The following TEX36 variants were observed in gnomAD, a reference collection of about 807,000 sequenced individuals.
TEX36 encodes the protein testis-expressed protein 36.
TEX36 carries 12 observed loss-of-function variants against 13.6 expected under a neutral mutation model. The ratio of observed to expected loss-of-function variants is 0.88; its 90% CI spans 0.56 to 1.43. TEX36 has a LOEUF of 1.43. Ranked by LOEUF, TEX36 falls within the 40% of genes most tolerant of loss-of-function variation. The pLI is 0.00. For synonymous variants in TEX36, 93 were observed against 83.0 expected (o/e 1.12, Z -0.65); for missense variants, 224 against 228.3 (o/e 0.98, Z 0.12).
At chr10:125,664,405 G>T (rs1163051365) in intron 1 of TEX36, among the ~76,000 whole-genome samples, 3 of 152,106 alleles carry the variant, frequency 2.0e-5, no homozygotes, top group Non-Finnish European at 4.4e-5. Flanking sequence ...AATTTTTTGA[G>T]GAACCTCTAT....
intron 3 of TEX36, among the ~76,000 whole-genome samples, chr10:125,592,869 A>C (rs1299427265): frequency 6.6e-6 from 1 of 152,178 alleles, no homozygotes; most frequent in Non-Finnish European, 1.5e-5. Flanking sequence ...ATAGAGAACA[A>C]CAGCTAGATG....
At chr10:125,631,753 A>G (rs567631918) in intron 3 of TEX36, among the ~76,000 whole-genome samples, 1 of 152,268 alleles carries the variant, frequency 6.6e-6, no homozygotes, top group South Asian at 2.1e-4. Flanking sequence ...AACGCGTGCT[A>G]TATGTGTGGG....
At chr10:125,584,010 G>A (rs995364271) in intron 3 of TEX36, among the ~76,000 whole-genome samples, 1 of 152,186 alleles carries the variant, frequency 6.6e-6, no homozygotes, top group Admixed American at 6.5e-5. Context: ...CACTGTGGGA[G>A]CTTAGAGCAG....
rs1242846589 is a variant in TEX36 at position 125,656,198 on chromosome 10, T to C, written c.265-2A>G. ...AGAGATCTTCTTACGTCCCAGGCCC[T>C]GGAGAGAAGAATTACAAGATTCGAA... On this transcript the variant is annotated splice_acceptor_variant, in intron 3 of 3. Coordinates refer to ENST00000368821, the MANE Select transcript of TEX36 (RefSeq NM_001128202.3). LOFTEE classifies it high-confidence loss of function. 7 of 1,436,784 alleles carry C rather than the reference T, an allele frequency of 4.9e-6. No homozygotes were observed. In the East Asian group the frequency reaches 7.9e-5, roughly 16 times the overall value. The allele number at this position is 1,436,784 out of a possible 1,614,324, so 89.0% of individuals were successfully genotyped here.
chr10:125,655,463 A>G (rs1437386606), downstream of TEX36, among the ~76,000 whole-genome samples: 2 of 152,188 alleles, frequency 1.3e-5, no homozygotes, highest in Non-Finnish European at 2.9e-5. Context: ...AAAAAGTTGT[A>G]GAATATTTTG....
chr10:125,638,004 C>T (rs946560518), intron 3 of TEX36, among the ~76,000 whole-genome samples: 7 of 152,088 alleles, frequency 4.6e-5, no homozygotes, highest in Admixed American at 4.6e-4. Context: ...ACAGGCTGCT[C>T]ATCTTCCTAT....
chr10:125,594,701 A>G lies in TEX36; in HGVS notation c.265-17827T>C, dbSNP rs146113225. 4.6e-3 allele frequency among the ~76,000 whole-genome samples: 706 copies of G among 152,354 alleles called. 9 individuals are homozygous for G. The highest frequency in any genetic ancestry group is 0.016 in the African/African-American group (650 of 41,586). On this transcript the variant is annotated intron_variant, in intron 3 of 3. Transcript: ENST00000532135. The stretch of plus-strand genomic sequence containing the variant: ...GACAAAGTTCAAAATATCAAAATCT[A>G]TGTTTTTGCTAAACTATTACTTAGA...
At chr10:125,682,416 G>A (rs565504891) in intron 1 of TEX36, among the ~76,000 whole-genome samples, 14 of 152,182 alleles carry the variant, frequency 9.2e-5, no homozygotes, top group African/African-American at 1.4e-4. Flanking sequence ...TTCATAGGCC[G>A]GAGGGGCTAA....
intron 3 of TEX36, among the ~76,000 whole-genome samples, chr10:125,582,586 T>C (rs1003216491): frequency 6.6e-6 from 1 of 152,208 alleles, no homozygotes; most frequent in Non-Finnish European, 1.5e-5. Context: ...ACTTGACTGC[T>C]TACTTAGCTG....
chr10:125,634,780 T>G (rs566300326), intron 3 of TEX36, among the ~76,000 whole-genome samples: 1 of 152,262 alleles, frequency 6.6e-6, no homozygotes, highest in South Asian at 2.1e-4. Context: ...CATCCACCAG[T>G]TCATTAATGC....
At chr10:125,611,676 T>C (rs1846291627) in intron 3 of TEX36, among the ~76,000 whole-genome samples, 1 of 152,182 alleles carries the variant, frequency 6.6e-6, no homozygotes. Context: ...CTTTTACTTT[T>C]GCATATGGTG....
chr10:125,649,537 C>A (rs187295411), intron 3 of TEX36, among the ~76,000 whole-genome samples: 1 of 152,208 alleles, frequency 6.6e-6, no homozygotes, highest in Non-Finnish European at 1.5e-5. Flanking sequence ...GCACCAGCCA[C>A]TGCAAAAACA....
intron 3 of TEX36, among the ~76,000 whole-genome samples, chr10:125,590,443 TG>T (rs1303403228): frequency 6.6e-6 from 1 of 151,786 alleles, no homozygotes; most frequent in Non-Finnish European, 1.5e-5. Flanking sequence ...TAAAAAAAGG[TG>T]GGGGGCAGCT....
At chr10:125,636,053 A>G (rs1565180082) in intron 3 of TEX36, among the ~76,000 whole-genome samples, 3 of 151,264 alleles carry the variant, frequency 2.0e-5, no homozygotes, top group Non-Finnish European at 4.4e-5. Flanking sequence ...TTTAAAATGT[A>G]TTGTAGAGAT....
intron 3 of TEX36, among the ~76,000 whole-genome samples, chr10:125,630,011 CAT>C (rs1846533054): frequency 6.6e-6 from 1 of 152,176 alleles, no homozygotes; most frequent in Non-Finnish European, 1.5e-5. Flanking sequence ...GACCAGAAGA[CAT>C]ACAATATTCC....
At chr10:125,607,956 C>A (rs1846235650) in intron 3 of TEX36, among the ~76,000 whole-genome samples, 1 of 152,158 alleles carries the variant, frequency 6.6e-6, no homozygotes, top group Non-Finnish European at 1.5e-5. Flanking sequence ...GGTGCCATCA[C>A]CTTCTTCCAT....
intron 3 of TEX36, among the ~76,000 whole-genome samples, chr10:125,633,732 G>A (rs528921077): frequency 7.9e-5 from 12 of 152,336 alleles, no homozygotes; most frequent in African/African-American, 2.9e-4. Context: ...AAAGACCGTT[G>A]TTGGAAGGAT....
intron 3 of TEX36, among the ~76,000 whole-genome samples, chr10:125,609,501 G>C (rs1217227519): frequency 6.6e-6 from 1 of 152,146 alleles, no homozygotes; most frequent in Admixed American, 6.5e-5. Context: ...CCATCCCCAG[G>C]TCCAGCCCAG....
At chr10:125,669,815 T>C (rs1847193510) in intron 1 of TEX36, among the ~76,000 whole-genome samples, 1 of 152,250 alleles carries the variant, frequency 6.6e-6, no homozygotes, top group Non-Finnish European at 1.5e-5. Flanking sequence ...GTTCTCATTG[T>C]TCAGCTCCCA....
Sources: gnomAD v4.1 joint callset for allele counts (sites outside exome capture counted in the v4.1 genomes callset) on GRCh38, gnomAD v4.1.1 for gene constraint, MANE v1.5 for transcripts, NCBI Gene and HGNC (gene_info 2026-07-23, HGNC 2026-07-21) for gene names.